Variants in PLA2R1 observed in about 807,000 individuals in gnomAD.
PLA2R1 encodes phospholipase A2 receptor 1, also known as secretory phospholipase A2 receptor.
A neutral mutation model predicts 195.9 loss-of-function variants in PLA2R1; 158 were observed. That is an observed-to-expected ratio of 0.81 (90% CI 0.71 to 0.92). The LOEUF (loss-of-function observed/expected upper bound fraction) is 0.92, where lower values mean the gene tolerates loss of function less well. Among genes scored for constraint, PLA2R1 ranks in the 40% least tolerant of loss-of-function variants. The probability of loss-of-function intolerance (pLI) is 0.00; values close to 1 mark genes in which losing one functional copy is unlikely to be tolerated. For synonymous variants in PLA2R1, 586 were observed against 598.2 expected (o/e 0.98, Z 0.30); for missense variants, 1,626 against 1,764.6 (o/e 0.92, Z 1.41).
chr2:160,015,619 C>A (rs969684915), intron 9 of PLA2R1, among the ~76,000 whole-genome samples: 2 of 152,144 alleles, frequency 1.3e-5, no homozygotes, highest in Non-Finnish European at 2.9e-5. Context: ...CCCACCCTCG[C>A]CCCTGCCCCG....
rs564210131 is a variant in PLA2R1 at position 160,062,013 on chromosome 2, G to A, written c.109+282C>T. On this transcript the variant is annotated intron_variant, in intron 1 of 29. Transcript: ENST00000283243. ...CTGGCTCCGGGCGCCAGAGCCGAGA[G>A]GAGTTACCTGCGAGACCAAGCCCCC... is the stretch of plus-strand genomic sequence containing the variant. Among the ~76,000 whole-genome samples the A allele has an allele frequency of 3.3e-5, 5 of 152,214 alleles. No individual in the cohort carries two copies. The East Asian group carries it at 7.8e-4, about 24-fold the overall frequency.
chr2:159,968,606 C>T (rs1688939807), intron 19 of PLA2R1, among the ~76,000 whole-genome samples: 1 of 152,148 alleles, frequency 6.6e-6, no homozygotes, highest in Admixed American at 6.5e-5. Context: ...TGGCCTGGGG[C>T]ACAGGTTAGT....
chr2:159,987,778 A>G (rs934723354), intron 11 of PLA2R1, among the ~76,000 whole-genome samples: 1 of 152,246 alleles, frequency 6.6e-6, no homozygotes, highest in East Asian at 1.9e-4. Context: ...GGTGAATAAC[A>G]GATTCAAGGT....
chr2:159,951,392 A>G lies in PLA2R1; in HGVS notation c.3488T>C (p.Val1163Ala). 1 of 1,613,958 alleles carries G rather than the reference A, an allele frequency of 6.2e-7. No homozygotes were observed. Among genetic ancestry groups the G allele is most frequent in the South Asian group, 1.1e-5 (1 of 91,076 alleles). ...GGCATATCCTAGCCGGTTGAGGACA[A>G]CAGTGAGGAAGGACTGGTGATACTG... Reference protein sequence around the residue: ...TDQYHQSFLTVVLNRLGYAHW... With the variant: ...TDQYHQSFLTAVLNRLGYAHW... Residue 1163 changes from valine (V) to alanine (A), a missense_variant, in exon 24 of 30, where the codon GTT becomes GCT. Coordinates refer to ENST00000283243, the MANE Select transcript of PLA2R1 (RefSeq NM_007366.5).
At chr2:159,999,893 AC>A (rs1553459555) in intron 11 of PLA2R1, among the ~76,000 whole-genome samples, 1 of 152,184 alleles carries the variant, frequency 6.6e-6, no homozygotes, top group Non-Finnish European at 1.5e-5. Flanking sequence ...CAGATTAGGT[AC>A]CCTGAAAGAT....
chr2:160,025,509 C>A (rs1693444915), intron 6 of PLA2R1, among the ~76,000 whole-genome samples: 1 of 135,270 alleles, frequency 7.4e-6, no homozygotes, highest in Non-Finnish European at 1.5e-5. Context: ...TGATTGTATG[C>A]AACTAAAGTT....
rs998929459 is a variant in PLA2R1, at chr2:159,933,718, T to C, written c.*8060A>G. ...AATGTTTACTGATCATAATTGTTTA[T>C]TGATATATTTTAAGTGCTGTCCATA... On this transcript the variant is annotated 3_prime_UTR_variant, in exon 30 of 30. Transcript: ENST00000283243. The C allele has an allele frequency of 1.3e-5, 2 of 152,364 alleles. No homozygotes were observed. The highest frequency in any genetic ancestry group is 1.9e-4 in the East Asian group (1 of 5,188). 9.4% of individuals were successfully genotyped at this position (152,364 alleles called of 1,614,324 possible). A position where few individuals can be genotyped will look rare whatever the true frequency, so the allele number is the denominator to read the frequency against.
intron 3 of PLA2R1, among the ~76,000 whole-genome samples, chr2:160,037,815 C>G (rs559659904): frequency 6.6e-6 from 1 of 152,290 alleles, no homozygotes; most frequent in African/African-American, 2.4e-5. Context: ...CCATGACTCC[C>G]AATTTTAACT....
In PLA2R1 at chr2:160,032,022, C is replaced by T. The variant is rs1693882595; in HGVS notation, c.841+937G>A. The stretch of plus-strand genomic sequence containing the variant: ...CCTCAACTGATCCACCTGCCTTGGC[C>T]TCCCAAAGTGCTGGGATTACTGGCG... On this transcript the variant is annotated intron_variant, in intron 4 of 29. Transcript: ENST00000283243. Among the ~76,000 whole-genome samples the T allele has an allele frequency of 2.6e-5, 4 of 152,240 alleles. No homozygotes were observed. The South Asian group carries it at 8.3e-4, about 31-fold the overall frequency.
At chr2:160,058,664 T>C (rs1695739140) in intron 1 of PLA2R1, among the ~76,000 whole-genome samples, 1 of 152,184 alleles carries the variant, frequency 6.6e-6, no homozygotes, top group African/African-American at 2.4e-5. Context: ...TCTGGAGTAC[T>C]TGAGTGAGTG....
intron 20 of PLA2R1, among the ~76,000 whole-genome samples, chr2:159,957,575 G>A (rs1688170788): frequency 6.6e-6 from 1 of 152,092 alleles, no homozygotes; most frequent in African/African-American, 2.4e-5. Flanking sequence ...GGATGGTCTT[G>A]ATCTCTTGAC....
intron 28 of PLA2R1, among the ~76,000 whole-genome samples, chr2:159,944,658 G>A (rs1368688390): frequency 2.0e-5 from 3 of 152,146 alleles, no homozygotes; most frequent in African/African-American, 7.2e-5. Context: ...CCCATTAGGT[G>A]ATCAACCTGG....
intron 1 of PLA2R1, 80 bp from the exon 2 acceptor site, chr2:160,045,237 T>C (rs1421495043): frequency 3.6e-6 from 4 of 1,096,950 alleles, no homozygotes; most frequent in Non-Finnish European, 5.3e-6. Context: ...TGTGCATATC[T>C]AAGTGCGATA....
chr2:160,038,483 G>A (rs1371048842), intron 3 of PLA2R1, among the ~76,000 whole-genome samples: 1 of 152,176 alleles, frequency 6.6e-6, no homozygotes, highest in Non-Finnish European at 1.5e-5. Context: ...GGTTGGATGG[G>A]GCGCTCCAGA....
Position 159,944,912 on chromosome 2 carries a change from C to A in PLA2R1, c.4138G>T (p.Glu1380Ter). Residue 1380 changes from glutamate (E) to a stop codon, truncating the protein, a stop_gained, in exon 28 of 30, where the codon GAG becomes TAG. Transcript: ENST00000283243. LOFTEE classifies it low-confidence loss of function (END_TRUNC). ...QEKKGFICKM[E>*]ADIHTAEALP... The stretch of plus-strand genomic sequence containing the variant: ...ACTCTCTGACTTTACCTACCTGCCT[C>A]CATTTTACATATAAAGCCTTTTTTT... The A allele has an allele frequency of 6.2e-7, 1 of 1,611,496 alleles. No homozygotes were observed. Among genetic ancestry groups the A allele is most frequent in the Non-Finnish European group, 8.5e-7 (1 of 1,177,980 alleles).
chr2:159,974,751 T>G (rs1238199539), intron 17 of PLA2R1, among the ~76,000 whole-genome samples: 4 of 149,004 alleles, frequency 2.7e-5, no homozygotes, highest in Non-Finnish European at 5.9e-5. Flanking sequence ...ACTGAGTGTC[T>G]ATGGGACCAT....
rs1686638098 is a variant in PLA2R1, at chr2:159,932,706, G to A, written c.*9072C>T. The A allele has an allele frequency of 6.6e-6, 1 of 152,116 alleles. No homozygotes were observed. The highest frequency in any genetic ancestry group is 1.5e-5 in the Non-Finnish European group (1 of 68,020). The allele number at this position is 152,116 out of a possible 1,614,324, so 9.4% of individuals were successfully genotyped here. A position where few individuals can be genotyped will look rare whatever the true frequency, so the allele number is the denominator to read the frequency against. On this transcript the variant is annotated 3_prime_UTR_variant, in exon 30 of 30. Transcript: ENST00000283243. Reference sequence around the variant, plus strand: ...AATCTCTTAGAAGTAGGAACTCAAGGAGCTCAAGTTAATTCACAAACAACA... The same window carrying A: ...AATCTCTTAGAAGTAGGAACTCAAGAAGCTCAAGTTAATTCACAAACAACA...
At chr2:159,987,391 G>A in intron 11 of PLA2R1, 33 bp from the exon 12 acceptor site, 1 of 1,509,022 alleles carries the variant, frequency 6.6e-7, no homozygotes, top group Non-Finnish European at 9.1e-7. Context: ...TTTAATACCA[G>A]ACGACTAAAA....
In PLA2R1 at chr2:160,032,961, C is replaced by T; in HGVS notation, c.839G>A (p.Arg280Lys). ...ATGTGCGTCATCCACCTACTTACCC[C>T]TTATGAAATTTTCTTCAGTTTCATC... Reference protein sequence around the residue: ...ITDETEENFIREHMSSKTVEV... With the variant: ...ITDETEENFIKEHMSSKTVEV... Residue 280 changes from arginine (R) to lysine (K), a missense_variant and splice_region_variant, in exon 4 of 30, where the codon AGG (arginine) becomes AAG (lysine). Coordinates refer to ENST00000283243, the MANE Select transcript of PLA2R1 (RefSeq NM_007366.5). 1 of 1,605,616 alleles carries T rather than the reference C, an allele frequency of 6.2e-7. No individual in the cohort carries two copies. Among genetic ancestry groups the T allele is most frequent in the Non-Finnish European group, 8.5e-7 (1 of 1,173,782 alleles).
Sources: allele counts gnomAD v4.1 joint callset (sites outside exome capture counted in the v4.1 genomes callset), GRCh38; gene constraint gnomAD v4.1.1; transcripts MANE v1.5; gene names NCBI Gene and HGNC (gene_info 2026-07-23, HGNC 2026-07-21).